The following RIC1 variants were observed in gnomAD, a reference collection of about 807,000 sequenced individuals.
RIC1 encodes the protein RIC1 partner of RAB6A GEF complex.
RIC1 carries 88 observed loss-of-function variants against 169.0 expected under a neutral mutation model. The ratio of observed to expected loss-of-function variants is 0.52; its 90% CI spans 0.44 to 0.62. The LOEUF (loss-of-function observed/expected upper bound fraction) is 0.62, where lower values mean the gene tolerates loss of function less well. Ranked by LOEUF, RIC1 falls within the 20% of genes least tolerant of loss-of-function variation. RIC1 has a pLI of 0.00. For synonymous variants in RIC1, 790 were observed against 601.5 expected (o/e 1.31, Z -4.59); for missense variants, 1,877 against 1,725.5 (o/e 1.09, Z -1.56).
intron 1 of RIC1, among the ~76,000 whole-genome samples, chr9:5,654,140 A>G (rs1481839576): frequency 1.3e-5 from 2 of 151,932 alleles, no homozygotes. Context: ...CTGGGACTAC[A>G]GGTGTGTGCC....
intron 12 of RIC1, among the ~76,000 whole-genome samples, chr9:5,748,422 G>A (rs1043443137): frequency 3.3e-5 from 5 of 152,112 alleles, no homozygotes; most frequent in African/African-American, 1.2e-4. Context: ...CTCCTACATT[G>A]ACATCTGGTA....
intron 4 of RIC1, among the ~76,000 whole-genome samples, chr9:5,715,763 A>C (rs1190385430): frequency 6.6e-6 from 1 of 152,042 alleles, no homozygotes; most frequent in Non-Finnish European, 1.5e-5. Context: ...GAAGGTAAAA[A>C]CATAATTTTA....
intron 3 of RIC1, among the ~76,000 whole-genome samples, chr9:5,705,515 G>T (rs148646776): frequency 2.0e-3 from 297 of 152,038 alleles, no homozygotes; most frequent in African/African-American, 6.6e-3. Context: ...GAATTTATTA[G>T]CTCTAATAAC....
At chr9:5,641,493 TC>T (rs1311134901) in intron 1 of RIC1, among the ~76,000 whole-genome samples, 1 of 152,144 alleles carries the variant, frequency 6.6e-6, no homozygotes, top group Admixed American at 6.5e-5. Context: ...TTCTCTCTTA[TC>T]CCTTTGAATG....
intron 10 of RIC1, 123 bp downstream of exon 10, chr9:5,743,860 G>T: frequency 1.4e-6 from 1 of 700,968 alleles, no homozygotes; most frequent in East Asian, 2.7e-5. Flanking sequence ...ACCCAGGTTG[G>T]AGAGCAGTGG....
chr9:5,701,760 T>C (rs1432381747), intron 3 of RIC1, among the ~76,000 whole-genome samples: 2 of 152,210 alleles, frequency 1.3e-5, no homozygotes, highest in Admixed American at 6.5e-5. Flanking sequence ...AAATCTATTA[T>C]CTGTTCTTCC....
At chr9:5,650,987 C>G (rs1386397861) in intron 1 of RIC1, among the ~76,000 whole-genome samples, 9 of 152,110 alleles carry the variant, frequency 5.9e-5, no homozygotes, top group Admixed American at 5.2e-4. Flanking sequence ...CTGTTAAGAG[C>G]TGGACTGAAA....
Position 5,763,800 on chromosome 9 carries a change from G to C in RIC1, c.2773G>C (p.Asp925His), listed in dbSNP as rs774818858. Residue 925 changes from aspartate to histidine, a missense_variant, in exon 19 of 26, where the codon GAC becomes CAC. By Grantham distance (81) the Asp-to-His change is moderately conservative. This residue lies in a region of RIC1 where 92 missense variants were observed against 151.5 expected (regional missense o/e 0.61). Transcript: ENST00000414202. This position sits in a 1 kb window ranked among gnomAD's most constrained non-coding sequence, Gnocchi z 5.2. Reference protein sequence around the residue: ...YLFAAVGNPKDLFEECLMAQD... With the variant: ...YLFAAVGNPKHLFEECLMAQD... ...TTTTGCAGCTGTTGGAAACCCTAAG[G>C]ACTTGTTTGAGGAGTGTTTGATGGC... 6.2e-7 allele frequency: 1 copy of C among 1,614,152 alleles called. No homozygotes were observed. The highest frequency in any genetic ancestry group is 8.5e-7 in the Non-Finnish European group (1 of 1,180,020).
At position 5,732,390 on chromosome 9, in the gene RIC1, G is replaced by C. The variant is rs768849364; in HGVS notation, c.723G>C (p.Gln241His). ...TTAACTATTTTTCTTTATTATAGCAGCTTCATGGAGTTTGGCCACAAGATG... is the reference window on the plus strand; with the variant it reads ...TTAACTATTTTTCTTTATTATAGCACCTTCATGGAGTTTGGCCACAAGATG... Reference protein sequence around the residue: ...TPVSSRFTAEQLHGVWPQDVV... With the variant: ...TPVSSRFTAEHLHGVWPQDVV... Residue 241 changes from glutamine (Q) to histidine (H), a missense_variant and splice_region_variant, in exon 7 of 26, where the codon CAG becomes CAC. By Grantham distance (24) the Gln-to-His change is conservative. Around this residue, in one of 3 missense-constraint regions of RIC1, gnomAD observed 1,104 missense variants for 992.0 expected, o/e 1.11. Coordinates refer to ENST00000414202, the MANE Select transcript of RIC1 (RefSeq NM_020829.4). 18 of 1,606,928 alleles carry C rather than the reference G, an allele frequency of 1.1e-5. No individual in the cohort carries two copies. Among genetic ancestry groups the C allele is most frequent in the African/African-American group, 2.7e-5 (2 of 74,632 alleles).
intron 23 of RIC1, 30 bp downstream of exon 23, chr9:5,770,308 A>T: frequency 6.3e-7 from 1 of 1,581,178 alleles, no homozygotes; most frequent in South Asian, 1.1e-5. Context: ...CTAGCTCTTC[A>T]GTTCCTTTGA....
chr9:5,744,334 GTATCTATA>G (rs1015144774), intron 10 of RIC1, among the ~76,000 whole-genome samples: 11 of 151,914 alleles, frequency 7.2e-5, no homozygotes, highest in African/African-American at 2.7e-4. Flanking sequence ...GAGGATATCT[GTATCTATA>G]TATCTATATA....
intron 6 of RIC1, among the ~76,000 whole-genome samples, chr9:5,726,079 C>T (rs2130894152): frequency 6.6e-6 from 1 of 152,250 alleles, no homozygotes; most frequent in East Asian, 1.9e-4. Flanking sequence ...CCACTTGGTG[C>T]AGAGCTGAGT....
intron 2 of RIC1, among the ~76,000 whole-genome samples, chr9:5,668,324 AT>A (rs1819901761): frequency 6.6e-6 from 1 of 152,172 alleles, no homozygotes; most frequent in African/African-American, 2.4e-5. Flanking sequence ...CTTATATTTG[AT>A]AAGCTGCTTC....
At chr9:5,771,276 G>T (rs995661531) in intron 23 of RIC1, among the ~76,000 whole-genome samples, 3 of 152,080 alleles carry the variant, frequency 2.0e-5, no homozygotes, top group Non-Finnish European at 4.4e-5. Context: ...CTCTGAATTT[G>T]ACTATTCTAG....
chr9:5,675,882 G>A (rs180672081), intron 2 of RIC1, among the ~76,000 whole-genome samples: 12 of 152,310 alleles, frequency 7.9e-5, no homozygotes, highest in African/African-American at 1.4e-4. Flanking sequence ...CACATTTGCA[G>A]TCAGTGGTAA....
intron 17 of RIC1, among the ~76,000 whole-genome samples, chr9:5,762,166 C>T (rs575007547): frequency 4.6e-5 from 7 of 152,320 alleles, no homozygotes; most frequent in Admixed American, 3.3e-4. Flanking sequence ...CTCTCCCACA[C>T]GTGTATGTCT....
Position 5,678,300 on chromosome 9 carries a change from G to A in RIC1, c.253-11659G>A, listed in dbSNP as rs1209941942. Among the ~76,000 whole-genome samples, 7 of 152,222 alleles carry A rather than the reference G, an allele frequency of 4.6e-5. No homozygotes were observed. The East Asian group carries it at 1.2e-3, about 25-fold the overall frequency. ...GTTTGCTATTGTGAATAGTGCCGCA[G>A]TAAACATACGTGTGCATGTGTCTTT... On this transcript the variant is annotated intron_variant, in intron 2 of 25. Coordinates refer to ENST00000414202, the MANE Select transcript of RIC1 (RefSeq NM_020829.4).
chr9:5,645,575 C>A (rs1586872260), intron 1 of RIC1, among the ~76,000 whole-genome samples: 1 of 152,186 alleles, frequency 6.6e-6, no homozygotes, highest in African/African-American at 2.4e-5. Flanking sequence ...CCATCAGTCC[C>A]TGGAAACTAC....
chr9:5,709,227 G>T (rs1370976610), intron 3 of RIC1, among the ~76,000 whole-genome samples: 1 of 152,190 alleles, frequency 6.6e-6, no homozygotes, highest in Non-Finnish European at 1.5e-5. Context: ...GGAAACTGCA[G>T]TTCTGCCGTC....
Sources: gnomAD v4.1 joint callset for allele counts (sites outside exome capture counted in the v4.1 genomes callset) on GRCh38, gnomAD v4.1.1 for gene constraint, gnomAD v4.1.1 regional missense constraint, Gnocchi (gnomAD v3.1) non-coding constraint, MANE v1.5 for transcripts, NCBI Gene and HGNC (gene_info 2026-07-23, HGNC 2026-07-21) for gene names.